FSTL5: variants seen among roughly 807,000 people sequenced by gnomAD.
FSTL5 encodes the protein follistatin-related protein 5.
In FSTL5, 62 loss-of-function variants were observed where a neutral mutation model predicts 89.1. The observed-to-expected ratio is 0.70, with a 90% confidence interval of 0.57 to 0.86. The LOEUF is 0.86. Ranked by LOEUF, FSTL5 falls within the 40% of genes least tolerant of loss-of-function variation. FSTL5 has a pLI of 0.00. For missense variants in FSTL5, 1,057 were observed against 1,001.6 expected, an observed-to-expected ratio of 1.06 and a Z score of -0.75; for synonymous variants, 383 against 346.2, an observed-to-expected ratio of 1.11 and a Z score of -1.18.
chr4:161,748,785 A>G (rs571472646), intron 6 of FSTL5, among the ~76,000 whole-genome samples: 1 of 152,226 alleles, frequency 6.6e-6, no homozygotes, highest in Non-Finnish European at 1.5e-5. Flanking sequence ...AAGATGTATG[A>G]TTAAATGACC....
At chr4:161,955,739 T>G (rs1735010171) in intron 3 of FSTL5, among the ~76,000 whole-genome samples, 1 of 151,922 alleles carries the variant, frequency 6.6e-6, no homozygotes, top group Admixed American at 6.6e-5. Context: ...CAAGTGAGTC[T>G]AGCCTAGTAT....
chr4:161,911,900 A>G (rs1025847844), intron 4 of FSTL5, among the ~76,000 whole-genome samples: 2 of 152,168 alleles, frequency 1.3e-5, no homozygotes, highest in East Asian at 1.9e-4. Flanking sequence ...CTTTTTTCAC[A>G]TAACTATCTG....
chr4:162,113,326 A>AT (rs1194711854), intron 1 of FSTL5, among the ~76,000 whole-genome samples: 19 of 151,716 alleles, frequency 1.3e-4, no homozygotes, highest in Non-Finnish European at 1.0e-4. Context: ...TAATTCTTTT[A>AT]TATCTACCTT....
At chr4:161,649,689 T>C (rs2126676643) in intron 7 of FSTL5, among the ~76,000 whole-genome samples, 1 of 152,334 alleles carries the variant, frequency 6.6e-6, no homozygotes, top group African/African-American at 2.4e-5. Context: ...TGTTCTTCCT[T>C]TGTAACAGAA....
intron 3 of FSTL5, among the ~76,000 whole-genome samples, chr4:161,956,052 T>G (rs994467641): frequency 1.3e-5 from 2 of 151,894 alleles, no homozygotes; most frequent in African/African-American, 4.8e-5. Context: ...AGGATATTGA[T>G]TGTCATAGTG....
intron 4 of FSTL5, among the ~76,000 whole-genome samples, chr4:161,859,668 C>T (rs1353814911): frequency 6.6e-6 from 1 of 152,132 alleles, no homozygotes; most frequent in Non-Finnish European, 1.5e-5. Flanking sequence ...ATAAAGAAGG[C>T]CTGTTCCTTA....
chr4:161,892,724 G>T lies in FSTL5; in HGVS notation c.409+27680C>A, dbSNP rs572005226. Among the ~76,000 whole-genome samples, 14 of 151,946 alleles carry T rather than the reference G, an allele frequency of 9.2e-5. No homozygotes were observed. In the South Asian group the frequency reaches 2.9e-3, roughly 32 times the overall value. On this transcript the variant is annotated intron_variant, in intron 4 of 15. Coordinates refer to ENST00000306100, the MANE Select transcript of FSTL5 (RefSeq NM_020116.5). Reference sequence around the variant, plus strand: ...TAAAATATCATTAATTTTATATACAGGAAATTAAAATGCCTCTGAATATCA... The same window carrying T: ...TAAAATATCATTAATTTTATATACATGAAATTAAAATGCCTCTGAATATCA...
intron 3 of FSTL5, among the ~76,000 whole-genome samples, chr4:161,990,117 T>C (rs538989281): frequency 4.5e-4 from 69 of 152,264 alleles, no homozygotes; most frequent in African/African-American, 1.5e-3. Context: ...CAAGATCAAA[T>C]TGAGGTACTA....
At chr4:161,948,860 AT>A (rs1347000817) in intron 3 of FSTL5, among the ~76,000 whole-genome samples, 5 of 152,254 alleles carry the variant, frequency 3.3e-5, no homozygotes, top group African/African-American at 1.2e-4. Context: ...GAATTTAGTG[AT>A]TTTTAAAATT....
At chr4:161,426,241 T>C (rs141541341) in intron 15 of FSTL5, among the ~76,000 whole-genome samples, 8 of 152,268 alleles carry the variant, frequency 5.3e-5, no homozygotes, top group African/African-American at 1.9e-4. Context: ...TATTGCACTG[T>C]GTGAAGAGTT....
chr4:161,915,007 T>G (rs1428293551), intron 4 of FSTL5, among the ~76,000 whole-genome samples: 1 of 152,172 alleles, frequency 6.6e-6, no homozygotes, highest in African/African-American at 2.4e-5. Context: ...AAGTGAGATA[T>G]TACAATATTG....
intron 11 of FSTL5, among the ~76,000 whole-genome samples, chr4:161,506,372 C>A (rs1013269143): frequency 6.6e-6 from 1 of 151,956 alleles, no homozygotes; most frequent in African/African-American, 2.4e-5. Context: ...CACATCCTGA[C>A]CTTTTTCATT....
At chr4:161,435,894 C>T (rs1732543606) in intron 15 of FSTL5, among the ~76,000 whole-genome samples, 2 of 151,962 alleles carry the variant, frequency 1.3e-5, no homozygotes, top group Non-Finnish European at 2.9e-5. Flanking sequence ...GACTTCCCCC[C>T]AAAGAACTAA....
chr4:161,447,970 G>C (rs966848726), intron 15 of FSTL5, among the ~76,000 whole-genome samples: 4 of 152,072 alleles, frequency 2.6e-5, no homozygotes, highest in African/African-American at 9.7e-5. Flanking sequence ...TGAGATAATA[G>C]GTTCTGAAAA....
intron 1 of FSTL5, among the ~76,000 whole-genome samples, chr4:162,138,798 A>G (rs981466512): frequency 1.8e-4 from 28 of 152,146 alleles, no homozygotes; most frequent in Admixed American, 1.3e-4. Context: ...GAAATCTGAC[A>G]TGCAACACAA....
chr4:161,766,046 G>A (rs1388235463), intron 5 of FSTL5, among the ~76,000 whole-genome samples: 2 of 151,976 alleles, frequency 1.3e-5, no homozygotes, highest in Non-Finnish European at 2.9e-5. Context: ...ACCCACCTCC[G>A]CCTCCCAAAG....
chr4:161,966,553 A>G (rs1735332667), intron 3 of FSTL5, among the ~76,000 whole-genome samples: 1 of 152,092 alleles, frequency 6.6e-6, no homozygotes, highest in African/African-American at 2.4e-5. Context: ...TGCTAATCCT[A>G]TATGATTGGC....
At chr4:161,824,470 G>A (rs1229858815) in intron 4 of FSTL5, among the ~76,000 whole-genome samples, 2 of 151,986 alleles carry the variant, frequency 1.3e-5, no homozygotes, top group Non-Finnish European at 2.9e-5. Flanking sequence ...TGTTCTTTTT[G>A]CTTAGTCTTG....
intron 4 of FSTL5, among the ~76,000 whole-genome samples, chr4:161,839,232 T>C (rs539592913): frequency 8.5e-5 from 13 of 152,108 alleles, no homozygotes; most frequent in African/African-American, 3.1e-4. Flanking sequence ...AATTTAAAAG[T>C]CAAAAGTTAT....
Sources: gnomAD v4.1 joint callset for allele counts (sites outside exome capture counted in the v4.1 genomes callset) on GRCh38, gnomAD v4.1.1 for gene constraint, MANE v1.5 for transcripts, NCBI Gene and HGNC (gene_info 2026-07-23, HGNC 2026-07-21) for gene names.